Variants in PCDH9 observed in about 807,000 individuals in gnomAD.
The protein encoded by PCDH9 is protocadherin-9.
PCDH9 carries 24 observed loss-of-function variants against 70.6 expected under a neutral mutation model. That is an observed-to-expected ratio of 0.34 (90% CI 0.25 to 0.48). The LOEUF is 0.48. Among genes scored for constraint, PCDH9 ranks in the 20% least tolerant of loss-of-function variants. The pLI is 0.99. For missense variants in PCDH9, 1,281 were observed against 1,503.6 expected (o/e 0.85, Z 2.45); for synonymous variants, 562 against 558.5 (o/e 1.01, Z -0.09).
intron 3 of PCDH9, among the ~76,000 whole-genome samples, chr13:66,732,488 G>A (rs61439869): frequency 0.054 from 8,265 of 151,932 alleles, 709 homozygotes; most frequent in African/African-American, 0.19. Flanking sequence ...TCAATAATTA[G>A]CTTCTATTTG....
At chr13:66,678,275 T>C (rs1404985203) in intron 3 of PCDH9, among the ~76,000 whole-genome samples, 2 of 152,070 alleles carry the variant, frequency 1.3e-5, no homozygotes, top group African/African-American at 4.8e-5. Flanking sequence ...TTGTAATAAA[T>C]ATTATAGTCA....
chr13:66,928,152 AC>A (rs898853534), intron 2 of PCDH9, among the ~76,000 whole-genome samples: 5 of 152,028 alleles, frequency 3.3e-5, no homozygotes, highest in African/African-American at 1.2e-4. Flanking sequence ...TTTGCTGCAC[AC>A]TTGCTGCCTG....
At chr13:67,127,132 A>G (rs1024192625) in intron 2 of PCDH9, among the ~76,000 whole-genome samples, 5 of 152,272 alleles carry the variant, frequency 3.3e-5, no homozygotes, top group Middle Eastern at 3.4e-3. Context: ...CCTTACAGAG[A>G]TTAATAGTAA....
At chr13:67,137,742 G>T (rs752982298) in intron 2 of PCDH9, among the ~76,000 whole-genome samples, 2 of 151,924 alleles carry the variant, frequency 1.3e-5, no homozygotes, top group Non-Finnish European at 2.9e-5. Flanking sequence ...TTCCTTCTCT[G>T]GTGGTCTCTT....
intron 4 of PCDH9, among the ~76,000 whole-genome samples, chr13:66,430,823 G>A (rs1957758957): frequency 6.6e-6 from 1 of 152,078 alleles, no homozygotes; most frequent in African/African-American, 2.4e-5. Flanking sequence ...TGCAGTAGAG[G>A]CACAAAGGGT....
intron 2 of PCDH9, among the ~76,000 whole-genome samples, chr13:66,945,859 T>C (rs995401543): frequency 1.7e-4 from 26 of 152,282 alleles, no homozygotes; most frequent in Admixed American, 1.7e-3. Context: ...CATGGGTATG[T>C]GTCTTAGGAT....
intron 4 of PCDH9, among the ~76,000 whole-genome samples, chr13:66,571,926 G>A (rs943196021): frequency 4.6e-5 from 7 of 151,710 alleles, no homozygotes; most frequent in South Asian, 2.1e-4. Context: ...TCTATAATTT[G>A]TTGTAGTTGT....
intron 3 of PCDH9, among the ~76,000 whole-genome samples, chr13:66,849,210 A>G (rs141386348): frequency 0.018 from 2,679 of 151,962 alleles, 28 homozygotes; most frequent in Non-Finnish European, 0.024. Flanking sequence ...AACCACTACT[A>G]TTAAGGTGCA....
intron 4 of PCDH9, among the ~76,000 whole-genome samples, chr13:66,595,928 ATCT>A (rs2077097337): frequency 6.6e-6 from 1 of 151,698 alleles, no homozygotes; most frequent in African/African-American, 2.4e-5. Flanking sequence ...ATTTAGCATA[ATCT>A]TCTAGCAGAA....
chr13:66,350,955 T>C (rs899780109), intron 4 of PCDH9, among the ~76,000 whole-genome samples: 1 of 152,180 alleles, frequency 6.6e-6, no homozygotes, highest in Non-Finnish European at 1.5e-5. Context: ...TCTTACCAAA[T>C]ATCATTGCTA....
At chr13:67,032,231 C>CT (rs1566376113) in intron 2 of PCDH9, among the ~76,000 whole-genome samples, 1 of 152,228 alleles carries the variant, frequency 6.6e-6, no homozygotes, top group Non-Finnish European at 1.5e-5. Flanking sequence ...GTAGCCTACA[C>CT]TTCCCGGGCT....
intron 3 of PCDH9, among the ~76,000 whole-genome samples, chr13:66,723,897 G>T (rs1193173294): frequency 6.6e-6 from 1 of 152,156 alleles, no homozygotes; most frequent in Non-Finnish European, 1.5e-5. Flanking sequence ...TGTGCCAGAG[G>T]CTTGTAGCAA....
intron 2 of PCDH9, among the ~76,000 whole-genome samples, chr13:67,135,350 C>A (rs7327811): frequency 0.5 from 75,827 of 151,854 alleles, 19,278 homozygotes; most frequent in Admixed American, 0.55. Flanking sequence ...GCCTCAAAGC[C>A]TAGCTTGGAA....
At chr13:66,945,613 C>T (rs2083075687) in intron 2 of PCDH9, among the ~76,000 whole-genome samples, 1 of 152,042 alleles carries the variant, frequency 6.6e-6, no homozygotes, top group Admixed American at 6.6e-5. Context: ...TCCCTTGAAA[C>T]ATATTTTTTC....
chr13:66,765,133 C>T (rs1384614317), intron 3 of PCDH9, among the ~76,000 whole-genome samples: 1 of 151,528 alleles, frequency 6.6e-6, no homozygotes, highest in Non-Finnish European at 1.5e-5. Context: ...CTCTGTCTCG[C>T]TCTCTCCCTC....
chr13:66,785,828 C>T (rs1244768339), intron 3 of PCDH9, among the ~76,000 whole-genome samples: 1 of 149,346 alleles, frequency 6.7e-6, no homozygotes, highest in African/African-American at 2.5e-5. Context: ...ATTGTGAAGA[C>T]TTTATGGGTT....
chr13:66,906,782 A>G (rs946164319), intron 2 of PCDH9, among the ~76,000 whole-genome samples: 2 of 152,222 alleles, frequency 1.3e-5, no homozygotes, highest in South Asian at 4.1e-4. Flanking sequence ...ATATTTTGAG[A>G]TTAACTATTA....
intron 4 of PCDH9, among the ~76,000 whole-genome samples, chr13:66,377,362 T>A (rs1389961296): frequency 6.6e-6 from 1 of 152,138 alleles, no homozygotes; most frequent in Non-Finnish European, 1.5e-5. Context: ...GCTCAAGAAG[T>A]TGCATTTCTA....
intron 4 of PCDH9, among the ~76,000 whole-genome samples, chr13:66,538,638 T>A (rs914494474): frequency 1.2e-3 from 186 of 150,434 alleles, no homozygotes; most frequent in Admixed American, 2.1e-3. Context: ...TTTTTTTTTT[T>A]AATTAAAATC....
Sources: allele counts gnomAD v4.1 joint callset (sites outside exome capture counted in the v4.1 genomes callset), GRCh38; gene constraint gnomAD v4.1.1; transcripts MANE v1.5; gene names NCBI Gene and HGNC (gene_info 2026-07-23, HGNC 2026-07-21).